The following HPSE2 variants were observed in gnomAD, a reference collection of about 807,000 sequenced individuals.
The protein encoded by HPSE2 is heparanase 2 (inactive).
HPSE2 carries 38 observed loss-of-function variants against 60.5 expected under a neutral mutation model. The observed-to-expected ratio is 0.63, with a 90% CI of 0.48 to 0.82. The LOEUF (loss-of-function observed/expected upper bound fraction) is 0.82, where lower values mean the gene tolerates loss of function less well. Among genes scored for constraint, HPSE2 ranks in the 40% least tolerant of loss-of-function variants. The probability of loss-of-function intolerance (pLI) is 0.00; values close to 1 mark genes in which losing one functional copy is unlikely to be tolerated. For missense variants in HPSE2, 713 were observed against 740.4 expected (o/e 0.96, Z 0.43); for synonymous variants, 295 against 293.2 (o/e 1.01, Z -0.06).
At chr10:98,720,012 A>G (rs933124776) in intron 5 of HPSE2, among the ~76,000 whole-genome samples, 1 of 152,104 alleles carries the variant, frequency 6.6e-6, no homozygotes, top group Admixed American at 6.6e-5. Context: ...AAAAAACAAC[A>G]ATAAAAAATA....
chr10:99,155,781 C>A (rs1047315000), intron 2 of HPSE2, among the ~76,000 whole-genome samples: 2 of 146,992 alleles, frequency 1.4e-5, no homozygotes, highest in African/African-American at 4.9e-5. Context: ...AATAGAGACA[C>A]AAAAAACCCT....
At chr10:99,143,555 C>T (rs1389300810) in intron 3 of HPSE2, among the ~76,000 whole-genome samples, 1 of 152,146 alleles carries the variant, frequency 6.6e-6, no homozygotes, top group Non-Finnish European at 1.5e-5. Context: ...ACTTGGACTG[C>T]TCTTCTGAGT....
At chr10:99,197,059 A>T (rs764598841) in intron 2 of HPSE2, among the ~76,000 whole-genome samples, 2 of 152,196 alleles carry the variant, frequency 1.3e-5, no homozygotes, top group African/African-American at 2.4e-5. Flanking sequence ...AATGAGATTC[A>T]GTCCTTTGCA....
At chr10:98,949,250 GCACA>G (rs35314282) in intron 3 of HPSE2, among the ~76,000 whole-genome samples, 69,961 of 150,842 alleles carry the variant, frequency 0.46, 17,970 homozygotes, top group East Asian at 0.61. Context: ...ACGCATGCGT[GCACA>G]CACACACACA....
chr10:98,545,460 T>C (rs1479400978), intron 9 of HPSE2, among the ~76,000 whole-genome samples: 1 of 152,134 alleles, frequency 6.6e-6, no homozygotes, highest in African/African-American at 2.4e-5. Flanking sequence ...TCCACCATGA[T>C]CAAGTGGGCT....
At chr10:99,078,001 G>C (rs1313033157) in intron 3 of HPSE2, among the ~76,000 whole-genome samples, 4 of 152,028 alleles carry the variant, frequency 2.6e-5, no homozygotes, top group African/African-American at 7.2e-5. Flanking sequence ...ATGTAAAAGA[G>C]TGTGACACTT....
chr10:98,992,052 T>C (rs1956538362), intron 3 of HPSE2, among the ~76,000 whole-genome samples: 1 of 152,234 alleles, frequency 6.6e-6, no homozygotes, highest in Admixed American at 6.5e-5. Flanking sequence ...ATATTTTTCT[T>C]ATCTTGTCTT....
chr10:98,714,522 A>G (rs2134229463), intron 5 of HPSE2, among the ~76,000 whole-genome samples: 1 of 151,962 alleles, frequency 6.6e-6, no homozygotes, highest in South Asian at 2.1e-4. Flanking sequence ...TCCATGTTAT[A>G]ACATGTATTG....
chr10:98,566,971 A>C (rs1309227790), intron 9 of HPSE2, among the ~76,000 whole-genome samples: 1 of 152,230 alleles, frequency 6.6e-6, no homozygotes, highest in Non-Finnish European at 1.5e-5. Context: ...GGAAGTAGTG[A>C]GTTCTACATG....
chr10:99,279,737 CA>C, the HPSE2 span, among the ~76,000 whole-genome samples: 5 of 152,188 alleles, frequency 3.3e-5, no homozygotes, highest in African/African-American at 1.2e-4. Flanking sequence ...CTATGACAAA[CA>C]AAACCCATGG....
At chr10:98,549,794 C>T (rs550161830) in intron 9 of HPSE2, among the ~76,000 whole-genome samples, 6 of 152,280 alleles carry the variant, frequency 3.9e-5, no homozygotes, top group South Asian at 4.1e-4. Context: ...TTCCATGACT[C>T]GCTTCCTACA....
At chr10:98,719,214 A>G (rs894063083) in intron 5 of HPSE2, among the ~76,000 whole-genome samples, 4 of 152,162 alleles carry the variant, frequency 2.6e-5, no homozygotes, top group African/African-American at 9.7e-5. Flanking sequence ...TACTCATTCA[A>G]CAAGCATTTA....
chr10:99,235,506 GCCTT>G lies in HPSE2; in HGVS notation c.290+3_290+6del, dbSNP rs1564913648. On this transcript the variant is annotated splice_donor_5th_base_variant and intron_variant, in intron 1 of 11. Coordinates refer to ENST00000370552, the MANE Select transcript of HPSE2 (RefSeq NM_021828.5). ...TTTTAAATGATCCATCGAAACCCCT[GCCTT>G]ACCTTAGGAAATCGAGCCAGCCATC... 6.2e-7 allele frequency: 1 copy of G among 1,613,970 alleles called. No homozygotes were observed. Among genetic ancestry groups the G allele is most frequent in the East Asian group, 2.2e-5 (1 of 44,860 alleles).
intron 3 of HPSE2, among the ~76,000 whole-genome samples, chr10:98,871,226 T>A (rs920284228): frequency 2.6e-5 from 4 of 152,144 alleles, no homozygotes; most frequent in Non-Finnish European, 5.9e-5. Flanking sequence ...TTTGATTATA[T>A]GCCCAGTTTA....
At chr10:99,299,127 C>T in the HPSE2 span, among the ~76,000 whole-genome samples, 2 of 152,156 alleles carry the variant, frequency 1.3e-5, no homozygotes, top group South Asian at 2.1e-4. Context: ...TGTGCTCCCT[C>T]TTTGGAGCCT....
intron 6 of HPSE2, among the ~76,000 whole-genome samples, chr10:98,645,304 A>T (rs1946738922): frequency 6.6e-6 from 1 of 152,230 alleles, no homozygotes; most frequent in South Asian, 2.1e-4. Flanking sequence ...GAGACAAGAA[A>T]TGTTGACGTG....
At chr10:99,220,764 C>T (rs1386419588) in intron 2 of HPSE2, among the ~76,000 whole-genome samples, 3 of 148,814 alleles carry the variant, frequency 2.0e-5, no homozygotes, top group African/African-American at 7.5e-5. Flanking sequence ...GACTGCATCA[C>T]TGCACCCCAA....
At chr10:98,480,886 A>G (rs373915369) in intron 11 of HPSE2, among the ~76,000 whole-genome samples, 1 of 152,214 alleles carries the variant, frequency 6.6e-6, no homozygotes, top group Non-Finnish European at 1.5e-5. Flanking sequence ...AGCATTTACT[A>G]TATGTCAGGA....
chr10:99,219,528 C>T (rs963471390), intron 2 of HPSE2, among the ~76,000 whole-genome samples: 3 of 152,186 alleles, frequency 2.0e-5, no homozygotes, highest in Admixed American at 2.0e-4. Context: ...CAAGTACCTA[C>T]ACCAGTTCAC....
Sources: gnomAD v4.1 joint callset for allele counts (sites outside exome capture counted in the v4.1 genomes callset) on GRCh38, gnomAD v4.1.1 for gene constraint, MANE v1.5 for transcripts, NCBI Gene and HGNC (gene_info 2026-07-23, HGNC 2026-07-21) for gene names.